The following UNC5C variants were observed in gnomAD, a reference collection of about 807,000 sequenced individuals.
UNC5C encodes unc-5 netrin receptor C, also known as netrin receptor UNC5C.
In UNC5C, 47 loss-of-function variants were observed where a neutral mutation model predicts 99.8. The observed-to-expected ratio is 0.47, with a 90% CI of 0.37 to 0.60. The LOEUF is 0.60. UNC5C is among the 20% of genes least tolerant of loss of function. The pLI is 0.00. For missense variants in UNC5C, 1,062 were observed against 1,165.9 expected (o/e 0.91, Z 1.30); for synonymous variants, 487 against 452.2 (o/e 1.08, Z -0.98).
chr4:95,480,767 A>G (rs1721125152), intron 1 of UNC5C, among the ~76,000 whole-genome samples: 1 of 152,130 alleles, frequency 6.6e-6, no homozygotes, highest in African/African-American at 2.4e-5. Context: ...CCACATGATT[A>G]TCTCAATAGA....
rs866583595 is a variant in UNC5C, at chr4:95,167,227, G to A, written c.*2007C>T. 1.2e-4 allele frequency: 18 copies of A among 152,260 alleles called. No individual in the cohort carries two copies. The highest frequency in any genetic ancestry group is 4.3e-4 in the African/African-American group (18 of 41,550). The allele number at this position is 152,260 out of a possible 1,614,324, so 9.4% of individuals were successfully genotyped here. A position where few individuals can be genotyped will look rare whatever the true frequency, so the allele number is the denominator to read the frequency against. The stretch of plus-strand genomic sequence containing the variant: ...AGTAAACCACAGTCATGTTCTAAAG[G>A]TTCCGATTCATACACATGTCTGCTT... On this transcript the variant is annotated 3_prime_UTR_variant, in exon 16 of 16. Transcript: ENST00000453304.
At chr4:95,207,528 T>G (rs3775043) in intron 10 of UNC5C, among the ~76,000 whole-genome samples, 102,693 of 152,000 alleles carry the variant, frequency 0.68, 35,235 homozygotes, top group Middle Eastern at 0.88. Flanking sequence ...ACCTAGCCTA[T>G]CAGTAAATTT....
At chr4:95,448,379 C>T (rs1471628780) in intron 1 of UNC5C, among the ~76,000 whole-genome samples, 2 of 152,110 alleles carry the variant, frequency 1.3e-5, no homozygotes, top group African/African-American at 2.4e-5. Flanking sequence ...CATACGACCC[C>T]TCTGGGCCTT....
At chr4:95,210,669 G>A (rs911207600) in intron 10 of UNC5C, among the ~76,000 whole-genome samples, 2 of 152,112 alleles carry the variant, frequency 1.3e-5, no homozygotes, top group Non-Finnish European at 2.9e-5. Flanking sequence ...TTTCAGCAAA[G>A]AACAATGATT....
chr4:95,402,760 A>G (rs1453021492), intron 1 of UNC5C, among the ~76,000 whole-genome samples: 1 of 152,210 alleles, frequency 6.6e-6, no homozygotes, highest in African/African-American at 2.4e-5. Context: ...TCTCTAGATT[A>G]TTATCTGCAA....
At chr4:95,515,290 C>T (rs1230984137) in intron 1 of UNC5C, among the ~76,000 whole-genome samples, 1 of 152,072 alleles carries the variant, frequency 6.6e-6, no homozygotes, top group Non-Finnish European at 1.5e-5. Context: ...CAAATAATTG[C>T]TAGAGTCTTT....
At chr4:95,358,601 C>T (rs996110451) in intron 1 of UNC5C, among the ~76,000 whole-genome samples, 9 of 152,292 alleles carry the variant, frequency 5.9e-5, no homozygotes, top group Admixed American at 2.6e-4. Context: ...TCCTTCTCCA[C>T]GTGAGTCCTC....
chr4:95,340,517 T>C (rs1560794235), intron 1 of UNC5C, among the ~76,000 whole-genome samples: 1 of 152,040 alleles, frequency 6.6e-6, no homozygotes, highest in South Asian at 2.1e-4. Flanking sequence ...TTGATTAAAA[T>C]ATCCTCAGGA....
At chr4:95,475,321 A>T (rs1436835741) in intron 1 of UNC5C, among the ~76,000 whole-genome samples, 1 of 152,070 alleles carries the variant, frequency 6.6e-6, no homozygotes, top group Non-Finnish European at 1.5e-5. Flanking sequence ...TTTGGGTCTT[A>T]CTTAATTCAT....
At chr4:95,205,183 C>T (rs114272983) in intron 11 of UNC5C, among the ~76,000 whole-genome samples, 4,846 of 152,218 alleles carry the variant, frequency 0.032, 101 homozygotes, top group South Asian at 0.072. Context: ...CTTCTACTTC[C>T]CTCATCTGCT....
chr4:95,289,770 G>A (rs1016981001), intron 3 of UNC5C, among the ~76,000 whole-genome samples: 1 of 152,076 alleles, frequency 6.6e-6, no homozygotes, highest in Non-Finnish European at 1.5e-5. Context: ...GGAAATAACT[G>A]CTGTGAACCA....
chr4:95,179,457 G>A (rs1269658444), intron 14 of UNC5C, among the ~76,000 whole-genome samples: 1 of 152,136 alleles, frequency 6.6e-6, no homozygotes, highest in Non-Finnish European at 1.5e-5. Context: ...TTAAAGTAAA[G>A]TAGATGAGAA....
intron 3 of UNC5C, among the ~76,000 whole-genome samples, chr4:95,287,311 A>G (rs1165030990): frequency 1.3e-5 from 2 of 152,230 alleles, no homozygotes; most frequent in Non-Finnish European, 2.9e-5. Context: ...ATGTAAACCA[A>G]TAGCACCTGA....
At chr4:95,279,884 T>C (rs1740991595) in intron 3 of UNC5C, among the ~76,000 whole-genome samples, 1 of 152,080 alleles carries the variant, frequency 6.6e-6, no homozygotes, top group Non-Finnish European at 1.5e-5. Flanking sequence ...GGGGATGGCT[T>C]TGGGATGAAA....
intron 1 of UNC5C, among the ~76,000 whole-genome samples, chr4:95,541,148 G>A (rs764424081): frequency 1.3e-5 from 2 of 152,164 alleles, no homozygotes; most frequent in Non-Finnish European, 1.5e-5. Flanking sequence ...CTTATCTGCA[G>A]TTCACTTTCT....
At chr4:95,353,297 C>G (rs1361751132) in intron 1 of UNC5C, among the ~76,000 whole-genome samples, 2 of 152,014 alleles carry the variant, frequency 1.3e-5, no homozygotes, top group African/African-American at 2.4e-5. Context: ...AAAGTGATGA[C>G]TTGTTTCAAG....
At chr4:95,253,416 A>G (rs960623654) in intron 4 of UNC5C, among the ~76,000 whole-genome samples, 1 of 152,120 alleles carries the variant, frequency 6.6e-6, no homozygotes, top group African/African-American at 2.4e-5. Flanking sequence ...TGCTGGGTAT[A>G]TGATCTTCAC....
chr4:95,216,165 G>T lies in UNC5C; in HGVS notation c.1692C>A (p.Val564=). 1 of 1,613,740 alleles carries T rather than the reference G, an allele frequency of 6.2e-7. No individual in the cohort carries two copies. ...IPAGAIPQGR[V]YEMYVTVHRK... Reference sequence around the variant, plus strand: ...TGTGTACAGTCACATACATTTCGTAGACTCTCCCTTGGGGAATGGCCCCAG... The same window carrying T: ...TGTGTACAGTCACATACATTTCGTATACTCTCCCTTGGGGAATGGCCCCAG... Residue 564 remains valine, a synonymous_variant, in exon 10 of 16, where the codon GTC becomes GTA. Coordinates refer to ENST00000453304, the MANE Select transcript of UNC5C (RefSeq NM_003728.4).
rs114722371 is a variant in UNC5C, at chr4:95,327,502, T to G, written c.346+7908A>C. Among the ~76,000 whole-genome samples the G allele has an allele frequency of 9.2e-3, 1,400 of 152,188 alleles. 24 individuals are homozygous for G. Among genetic ancestry groups the G allele is most frequent in the African/African-American group, 0.032 (1,327 of 41,532 alleles). ...ATATGTTTCTCCAGAAAAATTCCAA[T>G]GCACATACAAATATACATGCATCCT... On this transcript the variant is annotated intron_variant, in intron 2 of 15. Transcript: ENST00000453304.
Sources: gnomAD v4.1 joint callset for allele counts (sites outside exome capture counted in the v4.1 genomes callset) on GRCh38, gnomAD v4.1.1 for gene constraint, MANE v1.5 for transcripts, NCBI Gene and HGNC (gene_info 2026-07-23, HGNC 2026-07-21) for gene names.